The following CRIP3 variants were observed in gnomAD, a reference collection of about 807,000 sequenced individuals.
CRIP3 encodes the protein cysteine rich protein 3, also known as cysteine-rich protein 3.
In CRIP3, 23 loss-of-function variants were observed where a neutral mutation model predicts 30.3. The observed-to-expected ratio is 0.76, with a 90% CI of 0.55 to 1.08. The LOEUF is 1.08. Ranked by LOEUF, CRIP3 falls within the 50% of genes least tolerant of loss-of-function variation. The pLI is 0.00. For missense variants in CRIP3, 261 were observed against 259.3 expected (o/e 1.01, Z -0.04); for synonymous variants, 89 against 97.6 (o/e 0.91, Z 0.52).
intron 7 of CRIP3, 32 bp downstream of exon 7, chr6:43,306,035 G>A (rs1328465512): frequency 6.2e-7 from 1 of 1,608,886 alleles, no homozygotes; most frequent in Non-Finnish European, 8.5e-7. Context: ...GCATGTACAT[G>A]CCATCCCAGT....
chr6:43,306,535 C>A lies in CRIP3; in HGVS notation c.329-18G>T, dbSNP rs1164474409. On this transcript the variant is annotated intron_variant, in intron 4 of 7. Transcript: ENST00000372569. The stretch of plus-strand genomic sequence containing the variant: ...GGGAGGGCCTTTAAAGGGGAAGAGG[C>A]CCTGGCTATGTCTGAGGTGGAGATG... The A allele has an allele frequency of 6.3e-7, 1 of 1,583,956 alleles. No individual in the cohort carries two copies. Among genetic ancestry groups the A allele is most frequent in the Admixed American group, 1.8e-5 (1 of 56,828 alleles).
Position 43,306,066 on chromosome 6 carries a change from C to T in CRIP3, c.553+1G>A, listed in dbSNP as rs1778924075. 1 of 1,613,174 alleles carries T rather than the reference C, an allele frequency of 6.2e-7. No homozygotes were observed. Among genetic ancestry groups the T allele is most frequent in the Non-Finnish European group, 8.5e-7 (1 of 1,179,526 alleles). On this transcript the variant is annotated splice_donor_variant, in intron 7 of 7. Transcript: ENST00000372569. LOFTEE classifies it high-confidence loss of function. ...CCAGTGTCTGGGATGGGGCTGCCCA[C>T]CTTTGGGGCCAAACAGGTAGCCGTA...
rs1562118703 is a variant in CRIP3, at chr6:43,306,098, G to A, written c.522C>T (p.Val174=). The A allele has an allele frequency of 6.2e-7, 1 of 1,614,014 alleles. No individual in the cohort carries two copies. Among genetic ancestry groups the A allele is most frequent in the East Asian group, 2.2e-5 (1 of 44,862 alleles). ...AEHDGVPYCH[V]PCYGYLFGPK... is the part of the protein sequence containing the mutation. Reference sequence around the variant, plus strand: ...GGCCAAACAGGTAGCCGTAGCAGGGGACGTGGCAGTAGGGGACTCCATCAT... The same window carrying A: ...GGCCAAACAGGTAGCCGTAGCAGGGAACGTGGCAGTAGGGGACTCCATCAT... Residue 174 remains valine, a synonymous_variant, in exon 7 of 8, where the codon GTC becomes GTT. Transcript: ENST00000372569.
At position 43,305,796 on chromosome 6, in the gene CRIP3, A is replaced by G. The variant is rs1437176508; in HGVS notation, c.*18T>C. The G allele has an allele frequency of 6.2e-7, 1 of 1,613,824 alleles. No homozygotes were observed. The highest frequency in any genetic ancestry group is 1.3e-5 in the African/African-American group (1 of 74,854). ...ATGATGGGAGGCCTGAGTTAGGGTG[A>G]CCTTTTTTGTGAGCGTCTCATTTGA... On this transcript the variant is annotated 3_prime_UTR_variant, in exon 8 of 8. Coordinates refer to ENST00000372569, the MANE Select transcript of CRIP3 (RefSeq NM_206922.3).
chr6:43,307,932 C>G (rs763169199), intron 2 of CRIP3, 36 bp from the exon 3 acceptor site: 19 of 1,609,604 alleles, frequency 1.2e-5, no homozygotes, highest in Non-Finnish European at 1.5e-5. Context: ...TTACTCAAGG[C>G]CAGCGGGAGC....
Position 43,305,605 on chromosome 6 carries a change from C to G in CRIP3, c.*209G>C, listed in dbSNP as rs1198801365. On this transcript the variant is annotated 3_prime_UTR_variant, in exon 8 of 8. Transcript: ENST00000372569. Reference sequence around the variant, plus strand: ...GCCAGGAGGAGGATACCCTTCAAAACGGGCTGTTCCCTAACCAGATAGAAA... The same window carrying G: ...GCCAGGAGGAGGATACCCTTCAAAAGGGGCTGTTCCCTAACCAGATAGAAA... 1.6e-6 allele frequency: 1 copy of G among 630,170 alleles called. No homozygotes were observed. Among genetic ancestry groups the G allele is most frequent in the African/African-American group, 1.8e-5 (1 of 54,362 alleles). 39.0% of individuals were successfully genotyped at this position (630,170 alleles called of 1,614,324 possible). A position where few individuals can be genotyped will look rare whatever the true frequency, so the allele number is the denominator to read the frequency against.
At chr6:43,308,556 C>T (rs1778994859) in intron 1 of CRIP3, 147 bp from the exon 2 acceptor site, 2 of 915,556 alleles carry the variant, frequency 2.2e-6, no homozygotes, top group Admixed American at 4.5e-5. Flanking sequence ...CCATCCCGCT[C>T]CGGTTTCACA....
chr6:43,307,733 A>G lies in CRIP3; in HGVS notation c.207T>C (p.Ile69=). The G allele has an allele frequency of 6.3e-7, 1 of 1,584,784 alleles. No homozygotes were observed. The highest frequency in any genetic ancestry group is 8.6e-7 in the Non-Finnish European group (1 of 1,161,554). ...GALFGPRGVN[I]GGVGSYLYNP... ...TGTACAAGTAGGAGCCTACACCACC[A>G]ATGTTCACCCCTGAAGAGAGAATAG... is the stretch of plus-strand genomic sequence containing the variant. Residue 69 remains isoleucine (I), a synonymous_variant, in exon 4 of 8, where the codon ATT becomes ATC. Coordinates refer to ENST00000372569, the MANE Select transcript of CRIP3 (RefSeq NM_206922.3).
At chr6:43,307,772 T>C in intron 3 of CRIP3, 29 bp from the exon 4 acceptor site, 1 of 1,607,418 alleles carries the variant, frequency 6.2e-7, no homozygotes, top group South Asian at 1.1e-5. Flanking sequence ...AGGTCAGGCT[T>C]GAGCCCCCAG....
In CRIP3 at chr6:43,307,614, T is replaced by G. The variant is rs1009142862; in HGVS notation, c.326A>C (p.Lys109Thr). The change falls in exon 4 of 8, where the codon AAA becomes ACA. Residue 109 changes from lysine to threonine, a missense_variant and splice_region_variant. Coordinates refer to ENST00000372569, the MANE Select transcript of CRIP3 (RefSeq NM_206922.3). Reference sequence around the variant, plus strand: ...GGAGGAGCTGAGCCCAGCCTTACTTTTCTTGCCTTGGGGGAGGCCAGTCCT... The same window carrying G: ...GGAGGAGCTGAGCCCAGCCTTACTTGTCTTGCCTTGGGGGAGGCCAGTCCT... ...RPRTGLPQGK[K>T]SPPHMKTFTG... 6.8e-7 allele frequency: 1 copy of G among 1,464,600 alleles called. No individual in the cohort carries two copies. The highest frequency in any genetic ancestry group is 9.1e-7 in the Non-Finnish European group (1 of 1,103,866). 90.7% of individuals were successfully genotyped at this position (1,464,600 alleles called of 1,614,324 possible). A position where few individuals can be genotyped will look rare whatever the true frequency, so the allele number is the denominator to read the frequency against.
Position 43,305,884 on chromosome 6 carries a change from G to A in CRIP3, c.554-9C>T. On this transcript the variant is annotated splice_polypyrimidine_tract_variant and intron_variant, in intron 7 of 7. Transcript: ENST00000372569. The stretch of plus-strand genomic sequence containing the variant: ...ATCGCCAATGTTCACACCTGAGAGA[G>A]AGAGCCCTATCACCAAAGGCCCTGG... 6.2e-7 allele frequency: 1 copy of A among 1,614,174 alleles called. No individual in the cohort carries two copies. Among genetic ancestry groups the A allele is most frequent in the East Asian group, 2.2e-5 (1 of 44,878 alleles).
In CRIP3 at chr6:43,308,374, G is replaced by T. The variant is rs750659466; in HGVS notation, c.79C>A (p.Arg27Ser). ...KVSSLGKNWH[R>S]FCLKCERCHS... is the part of the protein sequence containing the mutation. ...CAGCGCTCACATTTCAGGCAGAAGC[G>T]GTGCCAGTTCTTGCCCAGGGAGCTC... Residue 27 changes from arginine (R) to serine (S), a missense_variant, in exon 2 of 8, where the codon CGC becomes AGC. Physicochemically the swap from Arg to Ser is moderately radical, Grantham distance 110 (BLOSUM62 -1). Transcript: ENST00000372569. 1.9e-6 allele frequency: 3 copies of T among 1,612,758 alleles called. No homozygotes were observed. The highest frequency in any genetic ancestry group is 1.7e-4 in the Middle Eastern group (1 of 6,058).
rs1230452874 is a variant in CRIP3 at position 43,307,699 on chromosome 6, T to TG, written c.240dup (p.Thr81HisfsTer55). 3.9e-6 allele frequency: 6 copies of TG among 1,527,832 alleles called. No homozygotes were observed. Among genetic ancestry groups the TG allele is most frequent in the Non-Finnish European group, 5.3e-6 (6 of 1,132,224 alleles). 94.6% of individuals were successfully genotyped at this position (1,527,832 alleles called of 1,614,324 possible). On this transcript the variant is annotated frameshift_variant, in exon 4 of 8. Transcript: ENST00000372569. LOFTEE classifies it high-confidence loss of function. ...GGAGTGGTGCAGCCAGGGCTGGGAG[T>TG]GGGGGGATTGTACAAGTAGGAGCCT... is the stretch of plus-strand genomic sequence containing the variant.
chr6:43,308,722 T>A, intron 1 of CRIP3, 28 bp downstream of exon 1: 1 of 1,613,832 alleles, frequency 6.2e-7, no homozygotes, highest in Non-Finnish European at 8.5e-7. Flanking sequence ...TCGCCCCATC[T>A]TCTCCCCCTC....
Position 43,307,741 on chromosome 6 carries a change from C to T in CRIP3, c.199G>A (p.Val67Met), listed in dbSNP as rs199501421. Reference protein sequence around the residue: ...CYGALFGPRGVNIGGVGSYLY... With the variant: ...CYGALFGPRGMNIGGVGSYLY... ...TAGGAGCCTACACCACCAATGTTCA[C>T]CCCTGAAGAGAGAATAGGGGAGGTC... is the stretch of plus-strand genomic sequence containing the variant. The change falls in exon 4 of 8, where the codon GTG (valine) becomes ATG (methionine). Residue 67 changes from valine (V) to methionine (M), a missense_variant and splice_region_variant. Val to Met is a conservative substitution (Grantham distance 21). Coordinates refer to ENST00000372569, the MANE Select transcript of CRIP3 (RefSeq NM_206922.3). 1 of 1,597,816 alleles carries T rather than the reference C, an allele frequency of 6.3e-7. No individual in the cohort carries two copies. Among genetic ancestry groups the T allele is most frequent in the Non-Finnish European group, 8.6e-7 (1 of 1,169,188 alleles).
chr6:43,307,552 T>G, intron 4 of CRIP3, 60 bp downstream of exon 4: 1 of 1,377,118 alleles, frequency 7.3e-7, no homozygotes, highest in Non-Finnish European at 9.5e-7. Context: ...TGGCCCAACC[T>G]CCGCTCCAGC....
chr6:43,308,264 G>T (rs1299848758), intron 2 of CRIP3, 51 bp downstream of exon 2: 1 of 1,461,718 alleles, frequency 6.8e-7, no homozygotes, highest in Non-Finnish European at 9.4e-7. Context: ...GGTGCCTGGG[G>T]GGTGGGAGGC....
intron 2 of CRIP3, among the ~76,000 whole-genome samples, chr6:43,308,112 C>G (rs538071657): frequency 6.6e-6 from 1 of 152,130 alleles, no homozygotes; most frequent in South Asian, 2.1e-4. Flanking sequence ...TCCCACTCAC[C>G]CTGATCCCCA....
Position 43,308,776 on chromosome 6 carries a change from G to C in CRIP3, c.17C>G (p.Pro6Arg), listed in dbSNP as rs780835146. Residue 6 changes from proline (P) to arginine (R), a missense_variant, in exon 1 of 8, where the codon CCG becomes CGG. Physicochemically the swap from Pro to Arg is moderately radical, Grantham distance 103. Transcript: ENST00000372569. ...GAAGAAAACAGGTTGCTGGCAACGC[G>C]GACAGGTCCAGCTCATAGCTCCGCT... is the stretch of plus-strand genomic sequence containing the variant. The part of the protein sequence containing the change: MSWTC[P>R]RCQQPVFFAE... 3.1e-6 allele frequency: 5 copies of C among 1,614,020 alleles called. No homozygotes were observed. The highest frequency in any genetic ancestry group is 3.4e-6 in the Non-Finnish European group (4 of 1,180,022).
Sources: gnomAD v4.1 joint callset for allele counts (sites outside exome capture counted in the v4.1 genomes callset) on GRCh38, gnomAD v4.1.1 for gene constraint, MANE v1.5 for transcripts, NCBI Gene and HGNC (gene_info 2026-07-23, HGNC 2026-07-21) for gene names.